The following CACNA1E variants were observed in gnomAD, a reference collection of about 807,000 sequenced individuals.
CACNA1E encodes the protein calcium voltage-gated channel subunit alpha1 E, also known as voltage-dependent R-type calcium channel subunit alpha-1E.
In CACNA1E, 40 loss-of-function variants were observed where a neutral mutation model predicts 259.2. The ratio of observed to expected loss-of-function variants is 0.15; its 90% CI spans 0.12 to 0.20. CACNA1E has a LOEUF of 0.20. CACNA1E is among the 10% of genes least tolerant of loss of function. The probability of loss-of-function intolerance (pLI) is 1.00; values close to 1 mark genes in which losing one functional copy is unlikely to be tolerated. For synonymous variants in CACNA1E, 1,104 were observed against 1,138.5 expected, an observed-to-expected ratio of 0.97 and a Z score of 0.61; for missense variants, 1,874 against 3,040.1, an observed-to-expected ratio of 0.62 and a Z score of 9.02.
intron 45 of CACNA1E, 104 bp downstream of exon 45, chr1:181,793,897 C>A (rs1444013001): frequency 2.4e-6 from 3 of 1,231,236 alleles, no homozygotes; most frequent in Admixed American, 5.4e-5. Flanking sequence ...CTTGCCCGCA[C>A]CCCTTCCCTA....
rs61553600 is a variant in CACNA1E at position 181,548,093 on chromosome 1, A to G, written c.513-29673A>G. 4.5e-3 allele frequency among the ~76,000 whole-genome samples: 670 copies of G among 149,764 alleles called. 1 individual carries two copies. Among genetic ancestry groups the G allele is most frequent in the African/African-American group, 0.016 (638 of 40,926 alleles). On this transcript the variant is annotated intron_variant, in intron 3 of 47. Transcript: ENST00000367573. ...TAGAGCCTCCTGGTTAGAGGTAGGTATACTTTCCCCTCTGTTCCCATAACA... is the reference window on the plus strand; with the variant it reads ...TAGAGCCTCCTGGTTAGAGGTAGGTGTACTTTCCCCTCTGTTCCCATAACA...
At chr1:181,348,779 T>C (rs1260304359) in intron 1 of CACNA1E, among the ~76,000 whole-genome samples, 1 of 152,242 alleles carries the variant, frequency 6.6e-6, no homozygotes, top group African/African-American at 2.4e-5. Context: ...CATCTGTGCC[T>C]GGAGACATCG....
chr1:181,569,835 G>C (rs1650227067), intron 3 of CACNA1E, among the ~76,000 whole-genome samples: 1 of 152,218 alleles, frequency 6.6e-6, no homozygotes, highest in South Asian at 2.1e-4. Flanking sequence ...GGGAAAGATG[G>C]TTTCTGCCAT....
At chr1:181,534,926 G>A (rs952589511) in intron 3 of CACNA1E, among the ~76,000 whole-genome samples, 1 of 151,984 alleles carries the variant, frequency 6.6e-6, no homozygotes, top group Non-Finnish European at 1.5e-5. Flanking sequence ...ACTAAGCTAA[G>A]TAAAATGACA....
In CACNA1E at chr1:181,511,599, A is replaced by C. The variant is rs535384995; in HGVS notation, c.512+89A>C. 1.7e-4 allele frequency: 253 copies of C among 1,454,222 alleles called. 1 individual carries two copies. The African/African-American group carries it at 3.3e-3, about 19-fold the overall frequency. The allele number at this position is 1,454,222 out of a possible 1,614,324, so 90.1% of individuals were successfully genotyped here. A position where few individuals can be genotyped will look rare whatever the true frequency, so the allele number is the denominator to read the frequency against. On this transcript the variant is annotated intron_variant, in intron 3 of 47. Transcript: ENST00000367573. ...TGGGGGCAGGGAACCTGGGGTGGAA[A>C]GACAGCAATCTGTAGAGTAGGGGCA...
In CACNA1E at chr1:181,732,375, C is replaced by G; in HGVS notation, c.2298-9C>G. The stretch of plus-strand genomic sequence containing the variant: ...CTCTGACCGCGGCCCTGCCCTTTCC[C>G]CTTGGCAGGAGGGAGCGGAGGCGCC... On this transcript the variant is annotated splice_polypyrimidine_tract_variant and intron_variant, in intron 19 of 47. Transcript: ENST00000367573. The surrounding 1 kb of genome is among the most constrained non-coding windows in gnomAD (Gnocchi z 5.5). The G allele has an allele frequency of 5.3e-6, 8 of 1,504,476 alleles. No homozygotes were observed. Among genetic ancestry groups the G allele is most frequent in the Non-Finnish European group, 7.1e-6 (8 of 1,125,800 alleles). The allele number at this position is 1,504,476 out of a possible 1,614,324, so 93.2% of individuals were successfully genotyped here.
chr1:181,781,231 T>C (rs941496921), intron 38 of CACNA1E, among the ~76,000 whole-genome samples, 196 bp from the exon 39 acceptor site: 1 of 152,158 alleles, frequency 6.6e-6, no homozygotes, highest in African/African-American at 2.4e-5. Context: ...ACAGGTTTCC[T>C]ATTCTTTTCC....
intron 7 of CACNA1E, among the ~76,000 whole-genome samples, chr1:181,701,443 C>T (rs908761525): frequency 1.3e-5 from 2 of 152,188 alleles, no homozygotes; most frequent in African/African-American, 4.8e-5. Context: ...ATTCTTCCTG[C>T]ACCACGGGGC....
intron 38 of CACNA1E, among the ~76,000 whole-genome samples, chr1:181,777,697 C>T (rs1660083902): frequency 6.6e-6 from 1 of 152,186 alleles, no homozygotes; most frequent in South Asian, 2.1e-4. Context: ...GTGATACCTA[C>T]ATAACTTGCA....
At chr1:181,477,445 G>A (rs1400251953) in intron 2 of CACNA1E, among the ~76,000 whole-genome samples, 1 of 152,194 alleles carries the variant, frequency 6.6e-6, no homozygotes, top group African/African-American at 2.4e-5. Flanking sequence ...CAGAATCCCT[G>A]AGAACAATGT....
In CACNA1E at chr1:181,342,955, C is replaced by T. The variant is rs988072037; in HGVS notation, c.-15+24832C>T. The stretch of plus-strand genomic sequence containing the variant: ...GCTGTGTGACAAATGGGTGGCAGGG[C>T]ATCAAGAGCCAGGGGAGAGGACTAT... On this transcript the variant is annotated intron_variant, in intron 1 of 11. Transcript: ENST00000524607. Among the ~76,000 whole-genome samples, 4 of 152,198 alleles carry T rather than the reference C, an allele frequency of 2.6e-5. No homozygotes were observed. The South Asian group carries it at 8.3e-4, about 32-fold the overall frequency.
intron 3 of CACNA1E, among the ~76,000 whole-genome samples, chr1:181,561,313 T>C (rs1392196352): frequency 6.6e-6 from 1 of 152,202 alleles, no homozygotes; most frequent in East Asian, 1.9e-4. Flanking sequence ...GGGTATAATT[T>C]GCATTTAGCA....
At chr1:181,665,700 G>A (rs1056986794) in intron 7 of CACNA1E, among the ~76,000 whole-genome samples, 12 of 151,996 alleles carry the variant, frequency 7.9e-5, no homozygotes, top group South Asian at 2.1e-4. Context: ...TTTATGTATC[G>A]AAACATCAGA....
At chr1:181,637,445 TC>T (rs1657341541) in intron 6 of CACNA1E, among the ~76,000 whole-genome samples, 1 of 84,876 alleles carries the variant, frequency 1.2e-5, no homozygotes, top group Non-Finnish European at 2.4e-5. Context: ...CCTCCCTCCC[TC>T]CCTCCCTCCC....
At chr1:181,498,327 C>A (rs1164046643) in intron 1 of CACNA1E, among the ~76,000 whole-genome samples, 1 of 152,238 alleles carries the variant, frequency 6.6e-6, no homozygotes. Context: ...CAATGGTTCA[C>A]TTCCAGGCCA....
In CACNA1E at chr1:181,699,091, A is replaced by G. The variant is rs150852456; in HGVS notation, c.1056-11863A>G. 1.3e-4 allele frequency among the ~76,000 whole-genome samples: 20 copies of G among 152,324 alleles called. No homozygotes were observed. In the East Asian group the frequency reaches 3.5e-3, roughly 26 times the overall value. On this transcript the variant is annotated intron_variant, in intron 7 of 47. Transcript: ENST00000367573. ...CTGGTAGAGAATTCTTAGATTGACT[A>G]CATTACCAGTAGATATGATCTGCAG...
rs201388067 is a variant in CACNA1E, at chr1:181,797,895, T to C, written c.6400-397T>C. 5.3e-5 allele frequency among the ~76,000 whole-genome samples: 8 copies of C among 152,332 alleles called. No individual in the cohort carries two copies. The East Asian group carries it at 1.5e-3, about 29-fold the overall frequency. The stretch of plus-strand genomic sequence containing the variant: ...TCCACAGAGTTGTCTTTCTCAAGTT[T>C]AAAGTCTCTCTTTTAGTGTGCCCCT... On this transcript the variant is annotated intron_variant, in intron 47 of 47. Transcript: ENST00000367573.
chr1:181,472,049 A>T (rs772811828), intron 2 of CACNA1E, among the ~76,000 whole-genome samples: 4 of 152,066 alleles, frequency 2.6e-5, no homozygotes, highest in Non-Finnish European at 5.9e-5. Flanking sequence ...GTGTATGTAG[A>T]CACACACACA....
In CACNA1E at chr1:181,797,474, G is replaced by T. The variant is rs900151969; in HGVS notation, c.6399+616G>T. On this transcript the variant is annotated intron_variant, in intron 47 of 47. Coordinates refer to ENST00000367573, the MANE Select transcript of CACNA1E (RefSeq NM_001205293.3). The stretch of plus-strand genomic sequence containing the variant: ...AAACGATCAGCGGAGAAAAGGCAGG[G>T]CTGCTAATGCAAACCTTTAGAGACA... Among the ~76,000 whole-genome samples the T allele has an allele frequency of 3.3e-5, 5 of 152,216 alleles. 1 individual carries two copies. The highest frequency in any genetic ancestry group is 2.4e-5 in the African/African-American group (1 of 41,452).
Sources: gnomAD v4.1 joint callset for allele counts (sites outside exome capture counted in the v4.1 genomes callset) on GRCh38, gnomAD v4.1.1 for gene constraint, Gnocchi (gnomAD v3.1) non-coding constraint, MANE v1.5 for transcripts, NCBI Gene and HGNC (gene_info 2026-07-23, HGNC 2026-07-21) for gene names.